Variants in LRRC53 observed in about 807,000 individuals in gnomAD.
The protein encoded by LRRC53 is leucine rich repeat containing 53.
Under a neutral mutation model 13.6 loss-of-function variants are expected in LRRC53, and 25 were observed. That is an observed-to-expected ratio of 1.83 (90% CI 1.34 to 2.56). The LOEUF is 2.56. Ranked by LOEUF, LRRC53 falls within the 30% of genes most tolerant of loss-of-function variation. The pLI is 0.00. For synonymous variants in LRRC53, 204 were observed against 109.8 expected (o/e 1.86, Z -5.37); for missense variants, 527 against 275.8 (o/e 1.91, Z -6.45).
At chr1:74,529,457 C>A in the LRRC53 span, among the ~76,000 whole-genome samples, 2 of 152,162 alleles carry the variant, frequency 1.3e-5, no homozygotes, top group African/African-American at 4.8e-5. Flanking sequence ...GATGGAGAGA[C>A]CATTTCAGAC....
At chr1:74,479,940 T>A (rs1229283471) in intron 3 of LRRC53, among the ~76,000 whole-genome samples, 1 of 152,230 alleles carries the variant, frequency 6.6e-6, no homozygotes, top group Non-Finnish European at 1.5e-5. Context: ...TGAATTCTGG[T>A]CCAGGGCCCT....
At chr1:74,478,423 C>G (rs1668312754) in intron 3 of LRRC53, among the ~76,000 whole-genome samples, 1 of 152,108 alleles carries the variant, frequency 6.6e-6, no homozygotes, top group Admixed American at 6.6e-5. Context: ...TAATAAAGAA[C>G]TGTTAATGTA....
At chr1:74,528,107 A>G in the LRRC53 span, among the ~76,000 whole-genome samples, 1 of 152,204 alleles carries the variant, frequency 6.6e-6, no homozygotes, top group Non-Finnish European at 1.5e-5. Context: ...TAGTGGCTCA[A>G]GTAAGGCCAG....
chr1:74,492,115 A>C, intron 1 of LRRC53: 1 of 1,607,944 alleles, frequency 6.2e-7, no homozygotes, highest in South Asian at 1.1e-5. Context: ...TCCTGCATCA[A>C]GTAACAGCAG....
At chr1:74,524,173 G>A in the LRRC53 span, among the ~76,000 whole-genome samples, 1 of 152,342 alleles carries the variant, frequency 6.6e-6, no homozygotes, top group African/African-American at 2.4e-5. Context: ...TTTGTGAAAA[G>A]TCTTTAAAAC....
the LRRC53 span, among the ~76,000 whole-genome samples, chr1:74,530,671 G>A: frequency 6.6e-6 from 1 of 151,920 alleles, no homozygotes; most frequent in African/African-American, 2.4e-5. Flanking sequence ...GTGGGAAAAT[G>A]AGGAAGTGAG....
chr1:74,530,914 T>C, the LRRC53 span, among the ~76,000 whole-genome samples: 1 of 152,190 alleles, frequency 6.6e-6, no homozygotes, highest in African/African-American at 2.4e-5. Flanking sequence ...GTTAGGTTAC[T>C]GTTGAGCCTA....
At chr1:74,489,294 T>C in intron 1 of LRRC53, 1 of 1,581,170 alleles carries the variant, frequency 6.3e-7, no homozygotes, top group Non-Finnish European at 8.6e-7. Flanking sequence ...AAGCCCTGCA[T>C]ATCCAAGGCT....
intron 4 of LRRC53, among the ~76,000 whole-genome samples, chr1:74,473,086 A>G (rs924521935): frequency 7.2e-5 from 11 of 152,216 alleles, no homozygotes; most frequent in Admixed American, 1.3e-4. Context: ...CCTTTTACAC[A>G]TTAAATAATA....
the LRRC53 span, among the ~76,000 whole-genome samples, chr1:74,536,954 G>T: frequency 6.6e-6 from 1 of 152,126 alleles, no homozygotes; most frequent in Non-Finnish European, 1.5e-5. Flanking sequence ...GATGCACATG[G>T]GTGGAAACAG....
At chr1:74,526,637 T>C in the LRRC53 span, among the ~76,000 whole-genome samples, 13 of 152,322 alleles carry the variant, frequency 8.5e-5, no homozygotes, top group African/African-American at 2.6e-4. Flanking sequence ...TAAATATAAA[T>C]TGGATATTTT....
chr1:74,473,281 C>T (rs968966770), intron 4 of LRRC53, among the ~76,000 whole-genome samples: 1 of 152,008 alleles, frequency 6.6e-6, no homozygotes, highest in African/African-American at 2.4e-5. Flanking sequence ...AATGCTTTCC[C>T]GTAGTCACAC....
chr1:74,524,334 G>C, the LRRC53 span, among the ~76,000 whole-genome samples: 2 of 152,196 alleles, frequency 1.3e-5, no homozygotes, highest in African/African-American at 4.8e-5. Flanking sequence ...AGAAACAGAG[G>C]GGGCTTGGCC....
chr1:74,509,712 A>G (rs2100373518), intron 1 of LRRC53, among the ~76,000 whole-genome samples: 1 of 120,290 alleles, frequency 8.3e-6, no homozygotes, highest in African/African-American at 3.1e-5. Flanking sequence ...AAAGGTACCT[A>G]TGAACTGCTT....
At chr1:74,499,409 A>G (rs912229591) in intron 1 of LRRC53, among the ~76,000 whole-genome samples, 1 of 152,216 alleles carries the variant, frequency 6.6e-6, no homozygotes, top group Non-Finnish European at 1.5e-5. Context: ...GAGATTATAA[A>G]TATGAGCCAC....
chr1:74,473,050 T>C (rs945538219), intron 4 of LRRC53, among the ~76,000 whole-genome samples: 3 of 152,138 alleles, frequency 2.0e-5, no homozygotes, highest in African/African-American at 7.2e-5. Context: ...TTGTACTGGC[T>C]TCTTCTTAAT....
the LRRC53 span, among the ~76,000 whole-genome samples, chr1:74,517,663 T>C: frequency 6.6e-6 from 1 of 152,190 alleles, no homozygotes; most frequent in Non-Finnish European, 1.5e-5. Flanking sequence ...ATTTCATTGA[T>C]GAGGAAGCTG....
intron 1 of LRRC53, among the ~76,000 whole-genome samples, chr1:74,502,128 A>C (rs1207627195): frequency 6.6e-6 from 1 of 152,206 alleles, no homozygotes; most frequent in East Asian, 1.9e-4. Flanking sequence ...AAGAGTCAGT[A>C]TGAGAACTTC....
intron 1 of LRRC53, among the ~76,000 whole-genome samples, chr1:74,495,021 A>C (rs1404948929): frequency 6.6e-6 from 1 of 152,200 alleles, no homozygotes; most frequent in Non-Finnish European, 1.5e-5. Context: ...GATGTATACC[A>C]CTACTAATTT....
Sources: allele counts gnomAD v4.1 joint callset (sites outside exome capture counted in the v4.1 genomes callset), GRCh38; gene constraint gnomAD v4.1.1; transcripts MANE v1.5; gene names NCBI Gene and HGNC (gene_info 2026-07-23, HGNC 2026-07-21).